ERC1: variants seen among roughly 807,000 people sequenced by gnomAD.
ERC1 encodes the protein RAB6 interacting protein 2.
In ERC1, 56 loss-of-function variants were observed where a neutral mutation model predicts 132.0. That is an observed-to-expected ratio of 0.42 (90% confidence interval 0.34 to 0.53). The LOEUF (loss-of-function observed/expected upper bound fraction) is 0.53, where lower values mean the gene tolerates loss of function less well. Among genes scored for constraint, ERC1 ranks in the 20% least tolerant of loss-of-function variants. The pLI, the probability that ERC1 is intolerant of heterozygous loss-of-function variation, is 0.03. For missense variants in ERC1, 1,202 were observed against 1,349.9 expected (o/e 0.89, Z 1.72); for synonymous variants, 478 against 476.1 (o/e 1.00, Z -0.05).
intron 2 of ERC1, among the ~76,000 whole-genome samples, chr12:1,063,906 G>A (rs1287474265): frequency 6.6e-6 from 1 of 152,112 alleles, no homozygotes; most frequent in African/African-American, 2.4e-5. Context: ...TTTTCGTGAT[G>A]ATACATATTA....
At chr12:1,293,631 A>G (rs2079666673) in intron 15 of ERC1, among the ~76,000 whole-genome samples, 1 of 141,100 alleles carries the variant, frequency 7.1e-6, no homozygotes, top group African/African-American at 2.9e-5. Context: ...CTCTGTCTCA[A>G]AAAAAAAAAA....
chr12:1,366,139 G>T (rs906707978), intron 15 of ERC1, among the ~76,000 whole-genome samples: 1 of 152,116 alleles, frequency 6.6e-6, no homozygotes, highest in Non-Finnish European at 1.5e-5. Flanking sequence ...GTTGGTCGCA[G>T]AACAATCTAA....
chr12:1,039,392 T>C (rs1408202500), intron 2 of ERC1, among the ~76,000 whole-genome samples: 1 of 148,980 alleles, frequency 6.7e-6, no homozygotes, highest in Non-Finnish European at 1.5e-5. Flanking sequence ...TTAGCTGGCA[T>C]GGTGGTATGT....
At chr12:1,367,951 CTTTTTT>C (rs59027116) in intron 15 of ERC1, among the ~76,000 whole-genome samples, 4 of 118,550 alleles carry the variant, frequency 3.4e-5, no homozygotes, top group South Asian at 2.6e-4. Context: ...CCACATTTTC[CTTTTTT>C]TTTTTTTTTT....
At chr12:1,137,585 C>T (rs1040056237) in intron 7 of ERC1, among the ~76,000 whole-genome samples, 1 of 151,862 alleles carries the variant, frequency 6.6e-6, no homozygotes. Context: ...AGCGGTGGCT[C>T]ACGCCTGTAA....
rs2094338075 is a variant in ERC1 at position 1,493,551 on chromosome 12, ATATATATATATATAT to A, written c.*3322_*3336del. The A allele has an allele frequency of 3.6e-5, 3 of 83,500 alleles. No homozygotes were observed. The highest frequency in any genetic ancestry group is 1.3e-4 in the Admixed American group (1 of 7,598). 5.2% of individuals were successfully genotyped at this position (83,500 alleles called of 1,614,324 possible). A position where few individuals can be genotyped will look rare whatever the true frequency, so the allele number is the denominator to read the frequency against. ...CCATTTAAAAAAAAAAAAAAAAAAT[ATATATATATATATAT>A]ATATATATATATGGATGGGAATCAC... On this transcript the variant is annotated 3_prime_UTR_variant, in exon 19 of 19. Coordinates refer to ENST00000360905, the MANE Select transcript of ERC1 (RefSeq NM_178040.4).
intron 16 of ERC1, among the ~76,000 whole-genome samples, chr12:1,402,400 G>A (rs1426966564): frequency 6.6e-6 from 1 of 151,950 alleles, no homozygotes; most frequent in African/African-American, 2.4e-5. Context: ...CATGGTGGCG[G>A]GCATCTGTAA....
At chr12:1,009,877 T>C (rs553535766) in intron 1 of ERC1, among the ~76,000 whole-genome samples, 6 of 152,296 alleles carry the variant, frequency 3.9e-5, no homozygotes, top group African/African-American at 1.4e-4. Context: ...CAATGTAATA[T>C]GATATTTTTG....
intron 15 of ERC1, among the ~76,000 whole-genome samples, chr12:1,351,546 A>G (rs1050023494): frequency 6.6e-6 from 1 of 152,134 alleles, no homozygotes; most frequent in Non-Finnish European, 1.5e-5. Flanking sequence ...GCATTTCCTG[A>G]TTACGTATGA....
rs139831682 is a variant in ERC1 at position 1,082,473 on chromosome 12, GA to G, written c.670-680del. ...CTGGCCATCCTTTGTATTTTTTGAT[GA>G]AAAAAAAAAATTTTTTTTTTTTTTT... On this transcript the variant is annotated intron_variant, in intron 2 of 18. Coordinates refer to ENST00000360905, the MANE Select transcript of ERC1 (RefSeq NM_178040.4). Among the ~76,000 whole-genome samples the G allele has an allele frequency of 3.8e-3, 465 of 122,060 alleles. 2 individuals are homozygous for G. The highest frequency in any genetic ancestry group is 0.014 in the African/African-American group (456 of 32,680). The allele number at this position is 122,060 out of a possible 152,430, so 80.1% of individuals were successfully genotyped here.
chr12:1,316,397 T>C (rs73034918), intron 15 of ERC1, among the ~76,000 whole-genome samples: 5,266 of 152,264 alleles, frequency 0.035, 97 homozygotes, highest in Middle Eastern at 0.075. Flanking sequence ...CAGGCATGGC[T>C]CTGTTAACCT....
chr12:1,333,718 G>A (rs1015011188), intron 15 of ERC1, among the ~76,000 whole-genome samples: 3 of 152,160 alleles, frequency 2.0e-5, no homozygotes, highest in Non-Finnish European at 2.9e-5. Flanking sequence ...GAACATACAC[G>A]TGCATGTGTC....
chr12:1,145,205 C>T lies in ERC1; in HGVS notation c.1737+3418C>T, dbSNP rs545971610. On this transcript the variant is annotated intron_variant, in intron 8 of 18. Coordinates refer to ENST00000360905, the MANE Select transcript of ERC1 (RefSeq NM_178040.4). ...CTAATTTTTGCATTTTTAGTCGAGA[C>T]GGGGTTTCACCATGTTGGCCAGGCT... is the stretch of plus-strand genomic sequence containing the variant. Among the ~76,000 whole-genome samples the T allele has an allele frequency of 3.2e-4, 48 of 151,232 alleles. No homozygotes were observed. The South Asian group carries it at 8.4e-3, about 26-fold the overall frequency.
At chr12:1,057,628 G>GCTA (rs1973237254) in intron 2 of ERC1, among the ~76,000 whole-genome samples, 1 of 106,856 alleles carries the variant, frequency 9.4e-6, no homozygotes, top group Admixed American at 1.5e-4. Flanking sequence ...GTGGAGTCTT[G>GCTA]CTACGTTGCC....
intron 15 of ERC1, among the ~76,000 whole-genome samples, chr12:1,339,499 GGGTGCT>G (rs2083617520): frequency 2.0e-5 from 3 of 149,528 alleles, no homozygotes; most frequent in African/African-American, 7.5e-5. Flanking sequence ...AACTGTGACA[GGGTGCT>G]AGCAGGTGCC....
chr12:1,189,750 A>G (rs1955516096), intron 11 of ERC1, 109 bp from the exon 12 acceptor site: 3 of 788,440 alleles, frequency 3.8e-6, no homozygotes, highest in Admixed American at 3.1e-5. Flanking sequence ...TAACTGGTAG[A>G]TATTTGATAA....
At chr12:1,085,574 G>T in intron 3 of ERC1, among the ~76,000 whole-genome samples, 1 of 133,440 alleles carries the variant, frequency 7.5e-6, no homozygotes, top group Non-Finnish European at 1.7e-5. Context: ...GTTGTTGAAA[G>T]TGCTGAGATT....
At chr12:1,196,479 G>A (rs1158674429) in intron 12 of ERC1, among the ~76,000 whole-genome samples, 1 of 150,440 alleles carries the variant, frequency 6.6e-6, no homozygotes, top group Non-Finnish European at 1.5e-5. Context: ...GTATGTGTTG[G>A]AAAGGTTTCT....
rs1052744260 is a variant in ERC1, at chr12:1,349,895, A to G, written c.2781-21938A>G. 3.3e-5 allele frequency among the ~76,000 whole-genome samples: 5 copies of G among 152,206 alleles called. No individual in the cohort carries two copies. The East Asian group carries it at 9.6e-4, about 29-fold the overall frequency. ...GCCAGTGTTGGTTTAAAGTACATGT[A>G]ATTTACATAAAATAGCACTGACTGC... On this transcript the variant is annotated intron_variant, in intron 15 of 18. Transcript: ENST00000360905.
Sources: gnomAD v4.1 joint callset for allele counts (sites outside exome capture counted in the v4.1 genomes callset) on GRCh38, gnomAD v4.1.1 for gene constraint, MANE v1.5 for transcripts, NCBI Gene and HGNC (gene_info 2026-07-23, HGNC 2026-07-21) for gene names.